The following URB1 variants were observed in gnomAD, a reference collection of about 807,000 sequenced individuals.
The protein encoded by URB1 is URB1 ribosome biogenesis factor.
In URB1, 197 loss-of-function variants were observed where a neutral mutation model predicts 242.3. The observed-to-expected ratio is 0.81, with a 90% CI of 0.72 to 0.91. The LOEUF is 0.91. Among genes scored for constraint, URB1 ranks in the 40% least tolerant of loss-of-function variants. The pLI is 0.00. For synonymous variants in URB1, 1,153 were observed against 1,201.8 expected, an observed-to-expected ratio of 0.96 and a Z score of 0.84; for missense variants, 2,721 against 2,860.5, an observed-to-expected ratio of 0.95 and a Z score of 1.11.
intron 9 of URB1, among the ~76,000 whole-genome samples, chr21:32,367,243 A>G (rs180941993): frequency 1.4e-4 from 22 of 152,320 alleles, no homozygotes; most frequent in Non-Finnish European, 1.5e-5. Context: ...TTAAGGCCAC[A>G]TAGCTAGTAA....
chr21:32,368,504 C>T lies in URB1; in HGVS notation c.1096G>A (p.Val366Met), dbSNP rs201271604. ...VADLVVNILKVCPDLLNKYFK... is the reference protein window; with the variant it reads ...VADLVVNILKMCPDLLNKYFK... Reference sequence around the variant, plus strand: ...TATTTGTTCAGTAAGTCCGGGCACACTTTGAGGATGTTTACCACAAGGTCA... The same window carrying T: ...TATTTGTTCAGTAAGTCCGGGCACATTTTGAGGATGTTTACCACAAGGTCA... Residue 366 changes from valine (V) to methionine (M), a missense_variant, in exon 9 of 39, where the codon GTG (valine) becomes ATG (methionine). Transcript: ENST00000382751. 37 of 1,551,666 alleles carry T rather than the reference C, an allele frequency of 2.4e-5. No homozygotes were observed. Among genetic ancestry groups the T allele is most frequent in the Non-Finnish European group, 3.2e-5 (37 of 1,147,046 alleles).
chr21:32,391,154 G>A (rs1275777598), intron 1 of URB1, among the ~76,000 whole-genome samples: 2 of 151,220 alleles, frequency 1.3e-5, no homozygotes, highest in African/African-American at 4.9e-5. Flanking sequence ...ACTCATAGGT[G>A]GGAACTGAAC....
intron 36 of URB1, among the ~76,000 whole-genome samples, chr21:32,318,981 G>C (rs1381599900): frequency 2.0e-5 from 3 of 152,196 alleles, no homozygotes; most frequent in Non-Finnish European, 4.4e-5. Flanking sequence ...AGTATGTTAA[G>C]TTCTCGGGGT....
chr21:32,349,982 C>G (rs1265037356), intron 20 of URB1, among the ~76,000 whole-genome samples: 1 of 152,058 alleles, frequency 6.6e-6, no homozygotes, highest in Non-Finnish European at 1.5e-5. Context: ...GTTATCCCAG[C>G]TACTAGGGAG....
At position 32,375,445 on chromosome 21, in the gene URB1, C is replaced by G. The variant is rs2033448629; in HGVS notation, c.703G>C (p.Asp235His). The change falls in exon 6 of 39, where the codon GAT (aspartate) becomes CAT (histidine). Residue 235 changes from aspartate to histidine, a missense_variant. Coordinates refer to ENST00000382751, the MANE Select transcript of URB1 (RefSeq NM_014825.3). ...AAAATATTGATGGTAGAGATCCTAT[C>G]TTCCTTTATCCCTGAGCTAAAAATG... ...PCIFSSGIKE[D>H]RISTINILLS... 16 of 1,540,266 alleles carry G rather than the reference C, an allele frequency of 1.0e-5. No homozygotes were observed. The highest frequency in any genetic ancestry group is 1.4e-5 in the Non-Finnish European group (16 of 1,141,896).
intron 15 of URB1, 130 bp from the exon 16 acceptor site, chr21:32,355,695 G>A (rs1482454880): frequency 3.0e-5 from 22 of 724,858 alleles, no homozygotes; most frequent in Middle Eastern, 3.8e-4. Context: ...TGCAACCTCC[G>A]CCTCCCGGGT....
At chr21:32,365,861 C>A (rs2033340843) in intron 10 of URB1, among the ~76,000 whole-genome samples, 1 of 152,230 alleles carries the variant, frequency 6.6e-6, no homozygotes, top group Non-Finnish European at 1.5e-5. Flanking sequence ...TGAAGCCACA[C>A]AACAACTCAG....
intron 28 of URB1, among the ~76,000 whole-genome samples, chr21:32,336,017 T>C (rs1032464211): frequency 1.3e-5 from 2 of 152,122 alleles, no homozygotes; most frequent in African/African-American, 4.8e-5. Flanking sequence ...AATGCTGCAC[T>C]GTGATAAAAC....
intron 9 of URB1, among the ~76,000 whole-genome samples, chr21:32,367,244 T>C (rs1019045043): frequency 2.0e-5 from 3 of 152,186 alleles, no homozygotes; most frequent in Middle Eastern, 6.3e-3. Context: ...TAAGGCCACA[T>C]AGCTAGTAAG....
chr21:32,362,360 C>T (rs1413073959), intron 11 of URB1, among the ~76,000 whole-genome samples: 2 of 152,106 alleles, frequency 1.3e-5, no homozygotes, highest in Non-Finnish European at 2.9e-5. Flanking sequence ...CACCCACCAT[C>T]ACATCCAGCT....
Position 32,392,902 on chromosome 21 carries a change from G to A in URB1, c.9C>T (p.Val3=), listed in dbSNP as rs374065244. Residue 3 remains valine, a synonymous_variant, in exon 1 of 39, where the codon GTC becomes GTT. Coordinates refer to ENST00000382751, the MANE Select transcript of URB1 (RefSeq NM_014825.3). MG[V]PKRKASGGQD... The stretch of plus-strand genomic sequence containing the variant: ...GGCCGCCCGAGGCCTTCCTCTTGGG[G>A]ACCCCCATGGCCGAGAGGGCGGAAG... 17 of 1,522,186 alleles carry A rather than the reference G, an allele frequency of 1.1e-5. No individual in the cohort carries two copies. Among genetic ancestry groups the A allele is most frequent in the Non-Finnish European group, 1.3e-5 (15 of 1,139,660 alleles). 94.3% of individuals were successfully genotyped at this position (1,522,186 alleles called of 1,614,324 possible).
At position 32,347,137 on chromosome 21, in the gene URB1, C is replaced by T. The variant is rs1032443888; in HGVS notation, c.3687G>A (p.Ala1229=). 1.3e-5 allele frequency: 20 copies of T among 1,548,740 alleles called. No individual in the cohort carries two copies. Among genetic ancestry groups the T allele is most frequent in the African/African-American group, 1.1e-4 (8 of 73,008 alleles). The change falls in exon 22 of 39, where the codon GCG becomes GCA. Residue 1229 remains alanine (A), a synonymous_variant. Transcript: ENST00000382751. ...GGAGCAGGGCAGCGATGCTGAGGGC[C>T]GCCTGTGTGCGCCGGGCCAGGCAGT... ...LDYCLARRTQ[A]ALSIAALLLQ... is the part of the protein sequence containing the mutation.
At position 32,362,030 on chromosome 21, in the gene URB1, G is replaced by A. The variant is rs1568825429; in HGVS notation, c.1510-9C>T. The stretch of plus-strand genomic sequence containing the variant: ...TTCAGGTCTGGCAAAATCTAAATGG[G>A]AAAAAGAAGCAGAACATTAGTTGTA... On this transcript the variant is annotated splice_polypyrimidine_tract_variant and intron_variant, in intron 11 of 38. Coordinates refer to ENST00000382751, the MANE Select transcript of URB1 (RefSeq NM_014825.3). 1 of 1,550,206 alleles carries A rather than the reference G, an allele frequency of 6.5e-7. No individual in the cohort carries two copies. The highest frequency in any genetic ancestry group is 8.7e-7 in the Non-Finnish European group (1 of 1,146,540).
rs2032752643 is a variant in URB1 at position 32,320,546 on chromosome 21, T to C, written c.5579A>G (p.His1860Arg). ...RDYSLLTWIL[H>R]ILESKFLETP... is the part of the protein sequence containing the mutation. ...AGGTACTTACTTGCTTTCAAGGATG[T>C]GTAAAATCCATGTTAAAAGGCTATA... The change falls in exon 35 of 39, where the codon CAC becomes CGC. Residue 1860 changes from histidine (H) to arginine (R), a missense_variant. Coordinates refer to ENST00000382751, the MANE Select transcript of URB1 (RefSeq NM_014825.3). 6.4e-7 allele frequency: 1 copy of C among 1,551,714 alleles called. No homozygotes were observed. Among genetic ancestry groups the C allele is most frequent in the Non-Finnish European group, 8.7e-7 (1 of 1,146,766 alleles).
chr21:32,380,167 A>T (rs1013379233), intron 4 of URB1, among the ~76,000 whole-genome samples: 1 of 152,176 alleles, frequency 6.6e-6, no homozygotes, highest in African/African-American at 2.4e-5. Context: ...ACTTGGCATC[A>T]GTTAGGTCTC....
intron 15 of URB1, among the ~76,000 whole-genome samples, chr21:32,356,597 C>T (rs942763607): frequency 6.6e-6 from 1 of 152,164 alleles, no homozygotes; most frequent in African/African-American, 2.4e-5. Context: ...TCCAAGGTCA[C>T]GAGCCAGTCA....
Position 32,311,892 on chromosome 21 carries a change from C to T in URB1, c.*3026G>A. On this transcript the variant is annotated 3_prime_UTR_variant, in exon 39 of 39. Coordinates refer to ENST00000382751, the MANE Select transcript of URB1 (RefSeq NM_014825.3). ...CTTGCCCCTCGGGGGTTTCCAGACC[C>T]ACCCCACTCTCCTCTGGGAACTGAC... The T allele has an allele frequency of 6.2e-7, 1 of 1,614,018 alleles. No individual in the cohort carries two copies. Among genetic ancestry groups the T allele is most frequent in the Non-Finnish European group, 8.5e-7 (1 of 1,180,036 alleles).
intron 19 of URB1, 76 bp downstream of exon 19, chr21:32,352,634 G>T: frequency 6.6e-7 from 1 of 1,526,048 alleles, no homozygotes; most frequent in Non-Finnish European, 8.8e-7. Flanking sequence ...CAACTGCACA[G>T]CTGTGGCCCA....
At position 32,312,012 on chromosome 21, in the gene URB1, G is replaced by A. The variant is rs1399849292; in HGVS notation, c.*2906C>T. On this transcript the variant is annotated 3_prime_UTR_variant, in exon 39 of 39. Transcript: ENST00000382751. ...GCAGAGCTGATGTCAGTAAATCGTG[G>A]CCATAGCTGAGTGAACTGGTGAAAT... 1.2e-6 allele frequency: 2 copies of A among 1,612,774 alleles called. No homozygotes were observed. The highest frequency in any genetic ancestry group is 1.7e-6 in the Non-Finnish European group (2 of 1,180,032).
Sources: gnomAD v4.1 joint callset for allele counts (sites outside exome capture counted in the v4.1 genomes callset) on GRCh38, gnomAD v4.1.1 for gene constraint, MANE v1.5 for transcripts, NCBI Gene and HGNC (gene_info 2026-07-23, HGNC 2026-07-21) for gene names.